Variants in KCNQ3 observed in about 807,000 individuals in gnomAD.
KCNQ3 encodes the protein potassium voltage-gated channel subfamily KQT member 3.
A neutral mutation model predicts 92.5 loss-of-function variants in KCNQ3; 30 were observed. The ratio of observed to expected loss-of-function variants is 0.32; its 90% CI spans 0.24 to 0.44. KCNQ3 has a LOEUF of 0.44. Ranked by LOEUF, KCNQ3 falls within the 20% of genes least tolerant of loss-of-function variation. The pLI, the probability that KCNQ3 is intolerant of heterozygous loss-of-function variation, is 1.00. For missense variants in KCNQ3, 913 were observed against 1,140.3 expected, an observed-to-expected ratio of 0.80 and a Z score of 2.87; for synonymous variants, 450 against 468.8, an observed-to-expected ratio of 0.96 and a Z score of 0.52.
intron 1 of KCNQ3, among the ~76,000 whole-genome samples, chr8:132,455,603 T>C (rs1563918146): frequency 6.6e-6 from 1 of 152,260 alleles, no homozygotes; most frequent in Non-Finnish European, 1.5e-5. Flanking sequence ...CCAAGAGGCC[T>C]GGATTCATCA....
intron 1 of KCNQ3, among the ~76,000 whole-genome samples, chr8:132,209,653 C>A (rs1309439546): frequency 6.6e-6 from 1 of 151,836 alleles, no homozygotes; most frequent in Non-Finnish European, 1.5e-5. Context: ...TCAGTAGAAG[C>A]CATTCAGTAC....
At chr8:132,300,249 T>G (rs765223492) in intron 1 of KCNQ3, among the ~76,000 whole-genome samples, 1 of 152,118 alleles carries the variant, frequency 6.6e-6, no homozygotes, top group Admixed American at 6.5e-5. Context: ...TTTTTTTGCA[T>G]TTTCCCTCCT....
intron 1 of KCNQ3, among the ~76,000 whole-genome samples, chr8:132,396,949 C>A (rs2721904): frequency 6.7e-6 from 1 of 149,702 alleles, no homozygotes; most frequent in Non-Finnish European, 1.5e-5. Flanking sequence ...TGTGTGTGTG[C>A]GTGTGTGTGT....
chr8:132,365,607 T>G (rs139284634), intron 1 of KCNQ3, among the ~76,000 whole-genome samples: 1 of 152,298 alleles, frequency 6.6e-6, no homozygotes, highest in Non-Finnish European at 1.5e-5. Context: ...AGCTGTAAAA[T>G]AGATGTAATG....
intron 1 of KCNQ3, among the ~76,000 whole-genome samples, chr8:132,317,078 AATT>A (rs1817765462): frequency 6.6e-6 from 1 of 152,158 alleles, no homozygotes; most frequent in Admixed American, 6.5e-5. Context: ...TCAGTTCCCA[AATT>A]ATTTAGTGGT....
At chr8:132,141,412 A>C in intron 9 of KCNQ3, 81 bp from the exon 10 acceptor site, 1 of 1,220,424 alleles carries the variant, frequency 8.2e-7, no homozygotes, top group African/African-American at 1.5e-5. Flanking sequence ...AAAGACTCAC[A>C]CATTCTCCTC....
In KCNQ3 at chr8:132,126,113, A is replaced by T. The variant is rs1362161625; in HGVS notation, c.*3149T>A. 1 of 152,224 alleles carries T rather than the reference A, an allele frequency of 6.6e-6. No homozygotes were observed. The highest frequency in any genetic ancestry group is 1.9e-4 in the East Asian group (1 of 5,200). 9.4% of individuals were successfully genotyped at this position (152,224 alleles called of 1,614,324 possible). ...CAGAAAGACCAAATACATACATGAG[A>T]TCATAGTTTTACCTGATAATATCAC... On this transcript the variant is annotated 3_prime_UTR_variant, in exon 15 of 15. Transcript: ENST00000388996.
At chr8:132,180,764 T>C (rs1563791309) in intron 3 of KCNQ3, among the ~76,000 whole-genome samples, 1 of 151,582 alleles carries the variant, frequency 6.6e-6, no homozygotes, top group African/African-American at 2.4e-5. Flanking sequence ...AGGTAGGAAC[T>C]TGGGTTCAAG....
intron 1 of KCNQ3, among the ~76,000 whole-genome samples, chr8:132,479,230 G>A (rs1299664640): frequency 6.6e-6 from 1 of 152,098 alleles, no homozygotes; most frequent in African/African-American, 2.4e-5. Context: ...AGGTGCAGAG[G>A]GAGTTCCTTC....
intron 1 of KCNQ3, among the ~76,000 whole-genome samples, chr8:132,241,730 A>C (rs1266195819): frequency 3.3e-5 from 5 of 151,396 alleles, no homozygotes; most frequent in African/African-American, 1.2e-4. Flanking sequence ...GCTACTCAGG[A>C]GGCTGAGGCA....
intron 1 of KCNQ3, among the ~76,000 whole-genome samples, chr8:132,222,400 C>T (rs62519654): frequency 0.032 from 4,876 of 152,132 alleles, 136 homozygotes; most frequent in Non-Finnish European, 0.048. Context: ...TGAGTGAGTG[C>T]GTATATAGTA....
chr8:132,468,281 A>G (rs2721888), intron 1 of KCNQ3, among the ~76,000 whole-genome samples: 139,015 of 152,244 alleles, frequency 0.91, 63,526 homozygotes, highest in East Asian at 0.93. Flanking sequence ...TGAATAGTCC[A>G]ATTGGGCTAA....
intron 1 of KCNQ3, among the ~76,000 whole-genome samples, chr8:132,259,443 A>C (rs1003468579): frequency 4.6e-5 from 7 of 152,168 alleles, no homozygotes; most frequent in African/African-American, 1.7e-4. Flanking sequence ...CTGACAAAAC[A>C]TACCACTTTT....
chr8:132,172,566 T>C, intron 7 of KCNQ3, 32 bp downstream of exon 7: 1 of 1,575,136 alleles, frequency 6.3e-7, no homozygotes, highest in Non-Finnish European at 8.7e-7. Flanking sequence ...TGGATCTTAA[T>C]CCCATTCCAG....
intron 1 of KCNQ3, among the ~76,000 whole-genome samples, chr8:132,288,082 T>TTA (rs1167651210): frequency 6.6e-6 from 1 of 152,232 alleles, no homozygotes; most frequent in African/African-American, 2.4e-5. Context: ...GCTTTCCACA[T>TTA]TATAAACATG....
Position 132,480,396 on chromosome 8 carries a change from G to T in KCNQ3, c.137C>A (p.Ala46Glu), listed in dbSNP as rs1452782861. The T allele has an allele frequency of 3.2e-6, 5 of 1,543,270 alleles. No homozygotes were observed. Among genetic ancestry groups the T allele is most frequent in the Non-Finnish European group, 4.3e-6 (5 of 1,153,514 alleles). The change falls in exon 1 of 15, where the codon GCG becomes GAG. Residue 46 changes from alanine (A) to glutamate (E), a missense_variant. By Grantham distance (107) the Ala-to-Glu change is moderately radical. Coordinates refer to ENST00000388996, the MANE Select transcript of KCNQ3 (RefSeq NM_004519.4). ...GGTGACTTGCTCCACGTCGCCGGGC[G>T]CCAGCCCCACTTTCCGCTCCTCGTC... is the stretch of plus-strand genomic sequence containing the variant. Reference protein sequence around the residue: ...AGDEERKVGLAPGDVEQVTLA... With the variant: ...AGDEERKVGLEPGDVEQVTLA...
intron 1 of KCNQ3, among the ~76,000 whole-genome samples, chr8:132,219,543 C>T (rs1487849306): frequency 6.6e-6 from 1 of 152,156 alleles, no homozygotes; most frequent in Non-Finnish European, 1.5e-5. Flanking sequence ...CTGGAGCCCC[C>T]AAACTTCCCT....
At chr8:132,445,524 G>A (rs548415761) in intron 1 of KCNQ3, among the ~76,000 whole-genome samples, 1 of 150,734 alleles carries the variant, frequency 6.6e-6, no homozygotes, top group South Asian at 2.2e-4. Context: ...ACTCAACTGA[G>A]GCACTAAGAT....
intron 1 of KCNQ3, among the ~76,000 whole-genome samples, chr8:132,384,618 A>C (rs1331065792): frequency 6.6e-6 from 1 of 152,184 alleles, no homozygotes; most frequent in Admixed American, 6.5e-5. Flanking sequence ...GTGTAACGGC[A>C]ACTTGGAGAC....
Sources: allele counts gnomAD v4.1 joint callset (sites outside exome capture counted in the v4.1 genomes callset), GRCh38; gene constraint gnomAD v4.1.1; transcripts MANE v1.5; gene names NCBI Gene and HGNC (gene_info 2026-07-23, HGNC 2026-07-21).